The following SRPK2 variants were observed in gnomAD, a reference collection of about 807,000 sequenced individuals.
SRPK2 encodes the protein SRSF protein kinase 2, also known as SFRS protein kinase 2.
In SRPK2, 21 loss-of-function variants were observed where a neutral mutation model predicts 90.8. The observed-to-expected ratio is 0.23, with a 90% CI of 0.16 to 0.33. The LOEUF is 0.33. Ranked by LOEUF, SRPK2 falls within the 10% of genes least tolerant of loss-of-function variation. The probability of loss-of-function intolerance (pLI) is 1.00; values close to 1 mark genes in which losing one functional copy is unlikely to be tolerated. For synonymous variants in SRPK2, 288 were observed against 311.1 expected (o/e 0.93, Z 0.78); for missense variants, 620 against 869.0 (o/e 0.71, Z 3.60).
chr7:105,289,290 A>T lies in SRPK2; in HGVS notation c.72-85505T>A, dbSNP rs144644451. Among the ~76,000 whole-genome samples, 52 of 152,094 alleles carry T rather than the reference A, an allele frequency of 3.4e-4. 1 individual carries two copies. In the South Asian group the frequency reaches 4.1e-3, roughly 12 times the overall value. Reference sequence around the variant, plus strand: ...CTCTGTCTCAAAAAAAATAAATAAAAAAAAAATAAAAAATAACTTCCTTCC... The same window carrying T: ...CTCTGTCTCAAAAAAAATAAATAAATAAAAAATAAAAAATAACTTCCTTCC... On this transcript the variant is annotated intron_variant, in intron 2 of 15. Transcript: ENST00000393651.
intron 2 of SRPK2, among the ~76,000 whole-genome samples, chr7:105,366,607 G>A (rs1194749420): frequency 1.3e-5 from 2 of 151,834 alleles, no homozygotes; most frequent in African/African-American, 4.8e-5. Context: ...CTGACCTCGT[G>A]ATCCGCCCGC....
intron 2 of SRPK2, among the ~76,000 whole-genome samples, chr7:105,270,554 CCCGCCA>C (rs1436773004): frequency 1.3e-5 from 2 of 151,976 alleles, no homozygotes; most frequent in Non-Finnish European, 2.9e-5. Flanking sequence ...ATTACAGGCG[CCCGCCA>C]CCATACCCAG....
At chr7:105,147,569 G>A (rs1562986805) in intron 7 of SRPK2, among the ~76,000 whole-genome samples, 1 of 151,700 alleles carries the variant, frequency 6.6e-6, no homozygotes, top group Non-Finnish European at 1.5e-5. Context: ...CACCTGTCTC[G>A]ACCTCCCAAA....
intron 2 of SRPK2, among the ~76,000 whole-genome samples, chr7:105,376,127 T>C (rs1563306437): frequency 1.3e-5 from 2 of 150,790 alleles, no homozygotes; most frequent in South Asian, 4.2e-4. Context: ...CCCGTGCAGC[T>C]GGGACTACAG....
chr7:105,350,389 A>G (rs1817025158), intron 2 of SRPK2, among the ~76,000 whole-genome samples: 1 of 151,732 alleles, frequency 6.6e-6, no homozygotes, highest in Non-Finnish European at 1.5e-5. Context: ...TTGGCCTCCC[A>G]AAGCGCTAGG....
At chr7:105,243,655 A>C (rs1801155420) in intron 2 of SRPK2, among the ~76,000 whole-genome samples, 1 of 150,170 alleles carries the variant, frequency 6.7e-6, no homozygotes, top group Non-Finnish European at 1.5e-5. Context: ...AAAAAACCAC[A>C]TGCCAAGCAA....
At chr7:105,181,759 C>A (rs1032694852) in intron 3 of SRPK2, among the ~76,000 whole-genome samples, 5 of 151,956 alleles carry the variant, frequency 3.3e-5, no homozygotes, top group Non-Finnish European at 7.4e-5. Context: ...GAAAAAACAT[C>A]TATAGGGCAC....
chr7:105,133,736 G>C (rs552144153), intron 11 of SRPK2, among the ~76,000 whole-genome samples: 1 of 152,308 alleles, frequency 6.6e-6, no homozygotes, highest in Non-Finnish European at 1.5e-5. Flanking sequence ...GACAAGGAAG[G>C]TCCCAGACAG....
At position 105,388,873 on chromosome 7, in the gene SRPK2, T is replaced by C; in HGVS notation, c.-67A>G. Reference sequence around the variant, plus strand: ...ACGCGGGCGCCGAGACGAGCTGGGCTGCAGCCTCCACTCGCTCCGCCGGCC... The same window carrying C: ...ACGCGGGCGCCGAGACGAGCTGGGCCGCAGCCTCCACTCGCTCCGCCGGCC... On this transcript the variant is annotated 5_prime_UTR_variant, in exon 1 of 16. Coordinates refer to ENST00000393651, the MANE Select transcript of SRPK2 (RefSeq NM_182692.3). The C allele has an allele frequency of 7.8e-7, 1 of 1,273,988 alleles. No individual in the cohort carries two copies. The highest frequency in any genetic ancestry group is 9.8e-7 in the Non-Finnish European group (1 of 1,015,290). 78.9% of individuals were successfully genotyped at this position (1,273,988 alleles called of 1,614,324 possible).
intron 2 of SRPK2, among the ~76,000 whole-genome samples, chr7:105,253,578 T>A (rs746626767): frequency 6.6e-6 from 1 of 152,142 alleles, no homozygotes; most frequent in Non-Finnish European, 1.5e-5. Flanking sequence ...GCCACAATGT[T>A]TCATTTCACC....
Position 105,203,777 on chromosome 7 carries a change from G to C in SRPK2, c.80C>G (p.Pro27Arg), listed in dbSNP as rs969632831. The change falls in exon 3 of 16, where the codon CCT (proline) becomes CGT (arginine). Residue 27 changes from proline to arginine, a missense_variant. By Grantham distance (103) the Pro-to-Arg change is moderately radical. Coordinates refer to ENST00000393651, the MANE Select transcript of SRPK2 (RefSeq NM_182692.3). ...AGGAACTAAAGGAGCTTTCTGTTGA[G>C]GCTCCGGCCTGAAAGAGCAGAGAGA... ...KREKHPKKPE[P>R]QQKAPLVPPP... 4 of 1,586,134 alleles carry C rather than the reference G, an allele frequency of 2.5e-6. No individual in the cohort carries two copies. In the African/African-American group the frequency reaches 5.4e-5, roughly 21 times the overall value.
At chr7:105,306,168 T>G (rs913570640) in intron 2 of SRPK2, 2 of 170,874 alleles carry the variant, frequency 1.2e-5, no homozygotes, top group African/African-American at 4.8e-5. Context: ...CTGATGTAGT[T>G]TTTGAAGCCA....
intron 3 of SRPK2, among the ~76,000 whole-genome samples, chr7:105,170,804 GGAGAGAGAGAGGGAGAGAAAGAGA>G (rs2129588156): frequency 1.0e-5 from 1 of 95,452 alleles, no homozygotes; most frequent in Non-Finnish European, 2.1e-5. Flanking sequence ...AGGGAGGGAG[GGAGAGAGAGAGGGAGAGAAAGAGA>G]AAGAAAGGAA....
chr7:105,308,483 T>C lies in SRPK2; in HGVS notation c.71+80165A>G, dbSNP rs79661488. 2.6e-3 allele frequency among the ~76,000 whole-genome samples: 399 copies of C among 152,320 alleles called. 1 individual carries two copies. The highest frequency in any genetic ancestry group is 6.8e-3 in the Middle Eastern group (2 of 294). ...AGAGGGAGGGGATTTCCTTAAAGAA[T>C]GATGGGCATGTACTCATTTTCATAT... On this transcript the variant is annotated intron_variant, in intron 2 of 15. Transcript: ENST00000393651.
intron 2 of SRPK2, among the ~76,000 whole-genome samples, chr7:105,380,004 T>C (rs943096608): frequency 6.6e-6 from 1 of 152,134 alleles, no homozygotes; most frequent in Non-Finnish European, 1.5e-5. Flanking sequence ...CTGCCAGGCA[T>C]GGTGGTAGGC....
intron 11 of SRPK2, among the ~76,000 whole-genome samples, chr7:105,136,715 A>G (rs886577806): frequency 6.6e-6 from 1 of 152,322 alleles, no homozygotes; most frequent in East Asian, 1.9e-4. Context: ...GACTCTTTAC[A>G]TCATAAGGGG....
chr7:105,392,735 T>G (rs1199807010), upstream of SRPK2, among the ~76,000 whole-genome samples: 1 of 152,062 alleles, frequency 6.6e-6, no homozygotes, highest in Admixed American at 6.6e-5. Context: ...TGGCCTCAAG[T>G]GATCCACCTG....
chr7:105,167,251 A>T, intron 6 of SRPK2, 126 bp downstream of exon 6: 2 of 710,902 alleles, frequency 2.8e-6, no homozygotes. Context: ...ACTTCATAAT[A>T]CTTGACAATG....
chr7:105,294,548 T>G (rs1350787374), intron 2 of SRPK2, among the ~76,000 whole-genome samples: 2 of 151,252 alleles, frequency 1.3e-5, no homozygotes, highest in Non-Finnish European at 2.9e-5. Context: ...TTTTGTTTTT[T>G]TGAAATGGAG....
Sources: gnomAD v4.1 joint callset for allele counts (sites outside exome capture counted in the v4.1 genomes callset) on GRCh38, gnomAD v4.1.1 for gene constraint, MANE v1.5 for transcripts, NCBI Gene and HGNC (gene_info 2026-07-23, HGNC 2026-07-21) for gene names.